ZNRF1: variants seen among roughly 807,000 people sequenced by gnomAD.
ZNRF1 encodes the protein E3 ubiquitin-protein ligase ZNRF1.
Under a neutral mutation model 18.4 loss-of-function variants are expected in ZNRF1, and 3 were observed. That is an observed-to-expected ratio of 0.16 (90% confidence interval 0.07 to 0.42). ZNRF1 has a LOEUF of 0.42. Ranked by LOEUF, ZNRF1 falls within the 10% of genes least tolerant of loss-of-function variation. The pLI is 0.99. For missense variants in ZNRF1, 310 were observed against 329.8 expected, an observed-to-expected ratio of 0.94 and a Z score of 0.47; for synonymous variants, 157 against 144.2, an observed-to-expected ratio of 1.09 and a Z score of -0.64.
intron 1 of ZNRF1, among the ~76,000 whole-genome samples, chr16:75,026,674 C>T (rs1317096372): frequency 2.6e-5 from 4 of 151,954 alleles, no homozygotes; most frequent in Admixed American, 6.6e-5. Flanking sequence ...AGTGGCTCAC[C>T]CCTGTAATCC....
intron 1 of ZNRF1, among the ~76,000 whole-genome samples, chr16:75,075,093 T>C (rs1443114512): frequency 1.3e-4 from 1 of 7,464 alleles, no homozygotes; most frequent in Non-Finnish European, 2.7e-4. Flanking sequence ...CACTTCCAGG[T>C]GGGGGTGGGT....
At chr16:75,067,296 C>T (rs1434715020) in intron 1 of ZNRF1, among the ~76,000 whole-genome samples, 1 of 152,214 alleles carries the variant, frequency 6.6e-6, no homozygotes, top group Admixed American at 6.5e-5. Flanking sequence ...GCATCTGCCA[C>T]ATTCCGTTGG....
intron 1 of ZNRF1, among the ~76,000 whole-genome samples, chr16:75,029,355 A>C (rs903419636): frequency 1.3e-5 from 2 of 152,016 alleles, no homozygotes; most frequent in African/African-American, 4.8e-5. Context: ...CTACCATCTT[A>C]GCCAGGATAG....
intron 1 of ZNRF1, among the ~76,000 whole-genome samples, chr16:75,019,724 TTTTG>T (rs1251950421): frequency 3.3e-5 from 5 of 152,102 alleles, no homozygotes; most frequent in Admixed American, 6.6e-5. Context: ...TTCTGTTTTG[TTTTG>T]TTTGTTTGTT....
intron 1 of ZNRF1, among the ~76,000 whole-genome samples, chr16:75,049,613 A>G (rs2035563958): frequency 6.6e-6 from 1 of 152,206 alleles, no homozygotes; most frequent in Admixed American, 6.5e-5. Flanking sequence ...CCTGGGCAAT[A>G]TGGCGAAACT....
chr16:75,002,375 G>A (rs1283218213), intron 1 of ZNRF1: 3 of 152,160 alleles, frequency 2.0e-5, no homozygotes, highest in Non-Finnish European at 4.4e-5. Context: ...CTTTGAGTAA[G>A]GTCTAAGCAG....
rs1381356839 is a variant in ZNRF1, at chr16:75,104,845, G to T, written c.582G>T (p.Gly194=). Residue 194 remains glycine, a synonymous_variant, in exon 3 of 5, where the codon GGG becomes GGT. Transcript: ENST00000335325. ...TCTGCCTGGAGGAGCTGCTGCAGGGGGACACGATAGCCAGGCTGCCCTGCC... is the reference window on the plus strand; with the variant it reads ...TCTGCCTGGAGGAGCTGCTGCAGGGTGACACGATAGCCAGGCTGCCCTGCC... ...CVICLEELLQ[G]DTIARLPCLC... 2 of 1,610,764 alleles carry T rather than the reference G, an allele frequency of 1.2e-6. No individual in the cohort carries two copies. The highest frequency in any genetic ancestry group is 1.1e-5 in the South Asian group (1 of 89,858).
intron 1 of ZNRF1, among the ~76,000 whole-genome samples, chr16:75,013,367 A>G (rs2035024679): frequency 6.8e-6 from 1 of 147,398 alleles, no homozygotes; most frequent in Admixed American, 6.8e-5. Flanking sequence ...TTTTTTTCCG[A>G]GATGGAGTCT....
intron 1 of ZNRF1, among the ~76,000 whole-genome samples, chr16:75,066,144 C>G (rs1197599562): frequency 6.6e-6 from 1 of 152,204 alleles, no homozygotes; most frequent in Non-Finnish European, 1.5e-5. Context: ...TTTGAAGAAA[C>G]TGAATACTAC....
intron 1 of ZNRF1, among the ~76,000 whole-genome samples, chr16:75,051,533 G>A (rs1219260222): frequency 5.4e-5 from 8 of 149,304 alleles, no homozygotes; most frequent in Non-Finnish European, 7.4e-5. Context: ...TTTTTTTTTG[G>A]GGGGGACGGA....
chr16:75,107,689 C>T, intron 4 of ZNRF1, 44 bp from the exon 5 acceptor site: 1 of 456,216 alleles, frequency 2.2e-6, no homozygotes. Context: ...AGCAGACAGC[C>T]CTCGGCCCGA....
At chr16:75,073,783 G>T (rs2035903996) in intron 1 of ZNRF1, among the ~76,000 whole-genome samples, 1 of 151,956 alleles carries the variant, frequency 6.6e-6, no homozygotes, top group African/African-American at 2.4e-5. Context: ...TGGTTCTGTG[G>T]CCAACATCCT....
intron 1 of ZNRF1, among the ~76,000 whole-genome samples, chr16:75,076,412 G>C (rs1416759024): frequency 6.6e-6 from 1 of 152,062 alleles, no homozygotes; most frequent in African/African-American, 2.4e-5. Context: ...GCCACTTCGG[G>C]ATGTGAAAGA....
intron 1 of ZNRF1, among the ~76,000 whole-genome samples, chr16:75,083,197 A>T (rs1188048155): frequency 6.6e-6 from 1 of 152,204 alleles, no homozygotes; most frequent in Non-Finnish European, 1.5e-5. Flanking sequence ...GAATGGACAG[A>T]TTTACCAGCA....
At chr16:75,020,714 T>G (rs2035134556) in intron 1 of ZNRF1, among the ~76,000 whole-genome samples, 1 of 152,036 alleles carries the variant, frequency 6.6e-6, no homozygotes, top group South Asian at 2.1e-4. Context: ...GCTAATTTTT[T>G]TGTATTTTTA....
intron 1 of ZNRF1, among the ~76,000 whole-genome samples, chr16:75,060,473 CTTTTTTTTTT>C (rs34182819): frequency 1.4e-5 from 1 of 70,246 alleles, no homozygotes; most frequent in Non-Finnish European, 2.6e-5. Flanking sequence ...CTCAGAAAAT[CTTTTTTTTTT>C]TTTTTTTTTT....
intron 1 of ZNRF1, among the ~76,000 whole-genome samples, chr16:75,016,558 C>T (rs2035072713): frequency 6.6e-6 from 1 of 151,136 alleles, no homozygotes; most frequent in Non-Finnish European, 1.5e-5. Context: ...TTTTTTGAGA[C>T]AGAGTCTTGC....
chr16:75,099,090 C>T, intron 2 of ZNRF1, among the ~76,000 whole-genome samples: 1 of 152,116 alleles, frequency 6.6e-6, no homozygotes. Context: ...GTTTTCCAGC[C>T]CCAAGGGAAG....
At chr16:75,048,467 A>T (rs750962443) in intron 1 of ZNRF1, among the ~76,000 whole-genome samples, 11 of 152,188 alleles carry the variant, frequency 7.2e-5, no homozygotes, top group Non-Finnish European at 1.3e-4. Flanking sequence ...TCACCACTGA[A>T]TTAAAGCAGT....
Sources: allele counts gnomAD v4.1 joint callset (sites outside exome capture counted in the v4.1 genomes callset), GRCh38; gene constraint gnomAD v4.1.1; transcripts MANE v1.5; gene names NCBI Gene and HGNC (gene_info 2026-07-23, HGNC 2026-07-21).